KCNMA1: variants seen among roughly 807,000 people sequenced by gnomAD.
The protein encoded by KCNMA1 is potassium calcium-activated channel subfamily M alpha 1, also known as Calcium-activated potassium channel subunit alpha-1.
A neutral mutation model predicts 140.0 loss-of-function variants in KCNMA1; 29 were observed. The ratio of observed to expected loss-of-function variants is 0.21; its 90% CI spans 0.15 to 0.28. The LOEUF (loss-of-function observed/expected upper bound fraction) is 0.28. KCNMA1 is among the 10% of genes least tolerant of loss of function. The pLI, the probability that KCNMA1 is intolerant of heterozygous loss-of-function variation, is 1.00. For missense variants in KCNMA1, 880 were observed against 1,602.2 expected, an observed-to-expected ratio of 0.55 and a Z score of 7.70; for synonymous variants, 612 against 611.9, an observed-to-expected ratio of 1.00 and a Z score of 0.00.
At chr10:76,983,115 A>G (rs978664848) in intron 19 of KCNMA1, among the ~76,000 whole-genome samples, 12 of 152,252 alleles carry the variant, frequency 7.9e-5, no homozygotes, top group South Asian at 4.1e-4. Flanking sequence ...TGACTTTTAC[A>G]TGAAAACTGA....
intron 15 of KCNMA1, among the ~76,000 whole-genome samples, chr10:77,029,661 T>C (rs1250873597): frequency 6.6e-6 from 1 of 152,190 alleles, no homozygotes; most frequent in Non-Finnish European, 1.5e-5. Context: ...AGAAGGGGTA[T>C]ATCATCTGTG....
chr10:76,924,472 C>G (rs2057055376), intron 23 of KCNMA1, among the ~76,000 whole-genome samples: 1 of 152,040 alleles, frequency 6.6e-6, no homozygotes, highest in African/African-American at 2.4e-5. Flanking sequence ...CTAAAATAAA[C>G]ACATTTTATT....
At chr10:77,469,710 C>T (rs970243391) in intron 1 of KCNMA1, among the ~76,000 whole-genome samples, 1 of 152,242 alleles carries the variant, frequency 6.6e-6, no homozygotes, top group Non-Finnish European at 1.5e-5. Flanking sequence ...ATGGTGTCTT[C>T]TTCCAAACCT....
At chr10:77,503,973 T>C (rs569947416) in intron 1 of KCNMA1, among the ~76,000 whole-genome samples, 3 of 152,102 alleles carry the variant, frequency 2.0e-5, no homozygotes, top group East Asian at 3.9e-4. Context: ...AATGTTCAGC[T>C]TGGCAAACAG....
chr10:77,407,062 G>T (rs1391305316), intron 1 of KCNMA1, among the ~76,000 whole-genome samples: 1 of 152,130 alleles, frequency 6.6e-6, no homozygotes, highest in Non-Finnish European at 1.5e-5. Flanking sequence ...GTTTTACAAG[G>T]CATTCATTAT....
At chr10:77,477,124 T>C (rs1322312308) in intron 1 of KCNMA1, among the ~76,000 whole-genome samples, 1 of 152,222 alleles carries the variant, frequency 6.6e-6, no homozygotes, top group Non-Finnish European at 1.5e-5. Flanking sequence ...TGGGCCTCCA[T>C]CATCTGTGCC....
intron 18 of KCNMA1, among the ~76,000 whole-genome samples, chr10:77,003,685 C>T (rs1225024228): frequency 6.6e-6 from 1 of 152,182 alleles, no homozygotes; most frequent in East Asian, 1.9e-4. Flanking sequence ...CTATGCTTCT[C>T]ATTAGCAACG....
chr10:77,635,823 T>C (rs1360983836), intron 1 of KCNMA1: 1 of 152,764 alleles, frequency 6.5e-6, no homozygotes, highest in Non-Finnish European at 1.5e-5. Flanking sequence ...TTTGTTCCAA[T>C]ACACCAGTAT....
intron 14 of KCNMA1, among the ~76,000 whole-genome samples, chr10:77,057,400 T>C (rs1010572165): frequency 3.9e-5 from 6 of 152,112 alleles, no homozygotes; most frequent in Admixed American, 3.9e-4. Flanking sequence ...CTGAAGGAAC[T>C]GCTAACATAA....
chr10:77,111,431 C>A (rs945751532), intron 7 of KCNMA1, among the ~76,000 whole-genome samples: 2 of 152,192 alleles, frequency 1.3e-5, no homozygotes, highest in Non-Finnish European at 2.9e-5. Context: ...GTGGGGTCAT[C>A]ATCTTATTAA....
At position 77,008,037 on chromosome 10, in the gene KCNMA1, A is replaced by G. The variant is rs1370813636; in HGVS notation, c.2092+3930T>C. 3 of 745,614 alleles carry G rather than the reference A, an allele frequency of 4.0e-6. No homozygotes were observed. The Admixed American group carries it at 7.2e-5, about 18-fold the overall frequency. The allele number at this position is 745,614 out of a possible 1,614,324, so 46.2% of individuals were successfully genotyped here. A position where few individuals can be genotyped will look rare whatever the true frequency, so the allele number is the denominator to read the frequency against. ...TGTAGACTGCATTGGGGGATGAAGG[A>G]GTTGGGGCATGATGTCACTGCTACA... On this transcript the variant is annotated intron_variant, in intron 18 of 27. Transcript: ENST00000286628.
At position 77,027,869 on chromosome 10, in the gene KCNMA1, G is replaced by C; in HGVS notation, c.1882C>G (p.Leu628Val). The C allele has an allele frequency of 6.2e-7, 1 of 1,613,810 alleles. No individual in the cohort carries two copies. Among genetic ancestry groups the C allele is most frequent in the Non-Finnish European group, 8.5e-7 (1 of 1,179,884 alleles). ...VCELCFVKLK[L>V]LMIAIEYKSA... is the part of the protein sequence containing the mutation. ...TTGTACTCAATGGCTATCATTAGGA[G>C]CTTGAGCTTCACAAAACACAGCCTG... is the stretch of plus-strand genomic sequence containing the variant. The change falls in exon 16 of 28, where the codon CTC becomes GTC. Residue 628 changes from leucine (L) to valine (V), a missense_variant. Physicochemically the swap from Leu to Val is conservative, Grantham distance 32. Coordinates refer to ENST00000286628, the MANE Select transcript of KCNMA1 (RefSeq NM_001161352.2).
intron 3 of KCNMA1, among the ~76,000 whole-genome samples, chr10:77,236,542 T>C (rs929349881): frequency 1.3e-5 from 2 of 152,178 alleles, no homozygotes; most frequent in African/African-American, 4.8e-5. Flanking sequence ...TCCTTAAAGT[T>C]CCCTGGATTA....
intron 10 of KCNMA1, among the ~76,000 whole-genome samples, chr10:77,088,583 C>A (rs2096746939): frequency 6.6e-6 from 1 of 152,094 alleles, no homozygotes; most frequent in Admixed American, 6.5e-5. Context: ...GCACGTGCCC[C>A]TATGCCTGGC....
At chr10:77,090,770 T>G (rs566921941) in intron 9 of KCNMA1, 1 of 554,542 alleles carries the variant, frequency 1.8e-6, no homozygotes, top group Non-Finnish European at 3.2e-6. Flanking sequence ...GCCCAACTGT[T>G]TGGCCAAGTG....
chr10:76,901,752 C>G (rs2045532317), intron 25 of KCNMA1: 1 of 152,230 alleles, frequency 6.6e-6, no homozygotes, highest in African/African-American at 2.4e-5. Flanking sequence ...TGTCTGCTCT[C>G]TGAGCTGGCA....
At chr10:77,385,976 G>T (rs903686419) in intron 2 of KCNMA1, among the ~76,000 whole-genome samples, 1 of 152,194 alleles carries the variant, frequency 6.6e-6, no homozygotes, top group Admixed American at 6.5e-5. Flanking sequence ...AATGGAAAAA[G>T]AAGCATCAAG....
chr10:77,318,293 G>A (rs906234846), intron 2 of KCNMA1, among the ~76,000 whole-genome samples: 4 of 152,054 alleles, frequency 2.6e-5, no homozygotes, highest in Admixed American at 6.6e-5. Context: ...CACTGTGATC[G>A]CCAATTTACA....
At chr10:77,574,332 T>C (rs575454169) in intron 1 of KCNMA1, among the ~76,000 whole-genome samples, 1 of 152,146 alleles carries the variant, frequency 6.6e-6, no homozygotes, top group South Asian at 2.1e-4. Flanking sequence ...ATAATACACA[T>C]GTATATACAC....
Sources: allele counts gnomAD v4.1 joint callset (sites outside exome capture counted in the v4.1 genomes callset), GRCh38; gene constraint gnomAD v4.1.1; transcripts MANE v1.5; gene names NCBI Gene and HGNC (gene_info 2026-07-23, HGNC 2026-07-21).